ADD3: variants seen among roughly 807,000 people sequenced by gnomAD.
The protein encoded by ADD3 is gamma-adducin.
A neutral mutation model predicts 80.2 loss-of-function variants in ADD3; 25 were observed. The observed-to-expected ratio is 0.31, with a 90% CI of 0.23 to 0.44. The LOEUF (loss-of-function observed/expected upper bound fraction) is 0.44, where lower values mean the gene tolerates loss of function less well. Ranked by LOEUF, ADD3 falls within the 20% of genes least tolerant of loss-of-function variation. The pLI is 1.00. For synonymous variants in ADD3, 284 were observed against 289.6 expected, an observed-to-expected ratio of 0.98 and a Z score of 0.20; for missense variants, 829 against 847.5, an observed-to-expected ratio of 0.98 and a Z score of 0.27.
intron 1 of ADD3, among the ~76,000 whole-genome samples, chr10:110,097,779 T>C (rs950918767): frequency 6.8e-6 from 1 of 146,366 alleles, no homozygotes; most frequent in Non-Finnish European, 1.5e-5. Flanking sequence ...TTGTTTTTCT[T>C]TTTTTTTTTT....
intron 1 of ADD3, among the ~76,000 whole-genome samples, chr10:110,022,645 A>G (rs74154963): frequency 2.6e-5 from 4 of 152,216 alleles, no homozygotes; most frequent in Non-Finnish European, 5.9e-5. Context: ...TGTGAACCAG[A>G]CAAAAACCTT....
intron 1 of ADD3, among the ~76,000 whole-genome samples, chr10:110,024,547 C>CT (rs1854059424): frequency 2.6e-5 from 4 of 152,108 alleles, no homozygotes; most frequent in Admixed American, 2.6e-4. Flanking sequence ...TAACACAGGG[C>CT]TTTATATTGG....
chr10:110,013,396 C>T (rs558814359), intron 1 of ADD3, among the ~76,000 whole-genome samples: 157 of 152,348 alleles, frequency 1.0e-3, no homozygotes, highest in Middle Eastern at 6.8e-3. Context: ...AGCCACTGCA[C>T]TCGGCCAAGG....
At chr10:110,074,980 T>A (rs558325399) in intron 1 of ADD3, among the ~76,000 whole-genome samples, 66 of 152,342 alleles carry the variant, frequency 4.3e-4, no homozygotes, top group Non-Finnish European at 8.5e-4. Flanking sequence ...CAGGCGTGTA[T>A]GTGAGTGCCA....
At chr10:110,072,493 C>T (rs893344389) in intron 1 of ADD3, among the ~76,000 whole-genome samples, 12 of 152,182 alleles carry the variant, frequency 7.9e-5, no homozygotes, top group Non-Finnish European at 1.8e-4. Context: ...GTAAGGAGTG[C>T]TATGTTGGAA....
chr10:110,010,422 C>T (rs567675271), intron 1 of ADD3, among the ~76,000 whole-genome samples: 1 of 151,968 alleles, frequency 6.6e-6, no homozygotes, highest in East Asian at 1.9e-4. Flanking sequence ...TGGCTCTGAA[C>T]AAACTGTGTA....
At chr10:110,059,636 G>T (rs1858635090) in intron 1 of ADD3, among the ~76,000 whole-genome samples, 1 of 152,210 alleles carries the variant, frequency 6.6e-6, no homozygotes, top group African/African-American at 2.4e-5. Context: ...GGGCGTGGTG[G>T]CTTGCGCCTG....
chr10:110,101,137 AG>A (rs1323716661), intron 2 of ADD3, among the ~76,000 whole-genome samples: 1 of 152,230 alleles, frequency 6.6e-6, no homozygotes, highest in South Asian at 2.1e-4. Context: ...TGTAAAGAAA[AG>A]AAAGGCATGA....
intron 9 of ADD3, 81 bp downstream of exon 9, chr10:110,122,373 C>A: frequency 7.9e-7 from 1 of 1,264,270 alleles, no homozygotes; most frequent in Non-Finnish European, 1.1e-6. Context: ...GTAGAACATG[C>A]TCCATACTCT....
chr10:110,075,593 T>C (rs1264009305), intron 1 of ADD3: 1 of 152,218 alleles, frequency 6.6e-6, no homozygotes, highest in Non-Finnish European at 1.5e-5. Flanking sequence ...GCTGTGTTTT[T>C]CTTCTCTTGT....
At position 110,073,023 on chromosome 10, in the gene ADD3, T is replaced by G. The variant is rs558674881; in HGVS notation, c.-29-27602T>G. ...TTCAACCTAGAACCTCCATAGTGTGTGTAAAATTGGCCTATTGTGAAAATC... is the reference window on the plus strand; with the variant it reads ...TTCAACCTAGAACCTCCATAGTGTGGGTAAAATTGGCCTATTGTGAAAATC... On this transcript the variant is annotated intron_variant, in intron 1 of 14. Coordinates refer to ENST00000356080, the MANE Select transcript of ADD3 (RefSeq NM_016824.5). Among the ~76,000 whole-genome samples, 5 of 152,234 alleles carry G rather than the reference T, an allele frequency of 3.3e-5. No homozygotes were observed. The South Asian group carries it at 1.0e-3, about 32-fold the overall frequency.
chr10:110,064,602 A>C (rs1843681071), intron 1 of ADD3, among the ~76,000 whole-genome samples: 1 of 152,036 alleles, frequency 6.6e-6, no homozygotes, highest in Non-Finnish European at 1.5e-5. Context: ...TTTATTATTG[A>C]TATCAGTGGT....
chr10:110,099,046 A>G (rs1412199559), intron 1 of ADD3, among the ~76,000 whole-genome samples: 1 of 149,618 alleles, frequency 6.7e-6, no homozygotes, highest in Non-Finnish European at 1.5e-5. Flanking sequence ...CCACCTCCTG[A>G]GTAGCTAGGA....
At chr10:110,069,678 A>G (rs1844432322) in intron 1 of ADD3, among the ~76,000 whole-genome samples, 1 of 152,124 alleles carries the variant, frequency 6.6e-6, no homozygotes, top group Admixed American at 6.5e-5. Flanking sequence ...TACTGACCTT[A>G]GTATTAACCT....
chr10:110,083,734 G>A (rs1846359136), intron 1 of ADD3, among the ~76,000 whole-genome samples: 1 of 151,968 alleles, frequency 6.6e-6, no homozygotes, highest in African/African-American at 2.4e-5. Context: ...TTATTTCCTT[G>A]GGGCAGGGAC....
chr10:110,108,062 C>T (rs971323406), intron 2 of ADD3, among the ~76,000 whole-genome samples: 8 of 152,114 alleles, frequency 5.3e-5, no homozygotes, highest in African/African-American at 1.9e-4. Flanking sequence ...ACCAGTTCTT[C>T]TCTAGTGGAG....
intron 1 of ADD3, among the ~76,000 whole-genome samples, chr10:110,083,271 A>T (rs1417216517): frequency 6.6e-6 from 1 of 152,188 alleles, no homozygotes; most frequent in African/African-American, 2.4e-5. Context: ...GGATGGACGG[A>T]TGGAGATGAG....
chr10:110,121,551 A>G (rs916528545), intron 8 of ADD3, among the ~76,000 whole-genome samples: 4 of 152,206 alleles, frequency 2.6e-5, no homozygotes, highest in African/African-American at 9.6e-5. Context: ...ATTTATTGGA[A>G]GGGCCACAAG....
intron 1 of ADD3, among the ~76,000 whole-genome samples, chr10:110,073,133 G>GTTTTT (rs1443878675): frequency 9.4e-5 from 10 of 106,486 alleles, no homozygotes; most frequent in Admixed American, 8.9e-5. Flanking sequence ...TTGAGTTTTA[G>GTTTTT]TTTTCTTTTT....
Sources: gnomAD v4.1 joint callset for allele counts (sites outside exome capture counted in the v4.1 genomes callset) on GRCh38, gnomAD v4.1.1 for gene constraint, MANE v1.5 for transcripts, NCBI Gene and HGNC (gene_info 2026-07-23, HGNC 2026-07-21) for gene names.